The following PLEKHH2 variants were observed in gnomAD, a reference collection of about 807,000 sequenced individuals.
PLEKHH2 encodes pleckstrin homology domain-containing family H member 2.
A neutral mutation model predicts 187.9 loss-of-function variants in PLEKHH2; 129 were observed. The ratio of observed to expected loss-of-function variants is 0.69; its 90% CI spans 0.59 to 0.79. The LOEUF (loss-of-function observed/expected upper bound fraction) is 0.79, where lower values mean the gene tolerates loss of function less well. Ranked by LOEUF, PLEKHH2 falls within the 30% of genes least tolerant of loss-of-function variation. The probability of loss-of-function intolerance (pLI) is 0.00; values close to 1 mark genes in which losing one functional copy is unlikely to be tolerated. For synonymous variants in PLEKHH2, 686 were observed against 605.6 expected, an observed-to-expected ratio of 1.13 and a Z score of -1.95; for missense variants, 2,076 against 1,751.2, an observed-to-expected ratio of 1.19 and a Z score of -3.31.
At chr2:43,697,480 A>G in intron 7 of PLEKHH2, 124 bp downstream of exon 7, 1 of 819,096 alleles carries the variant, frequency 1.2e-6, no homozygotes, top group Non-Finnish European at 1.8e-6. Flanking sequence ...TTTTATGAGA[A>G]TGTTTCTAAA....
intron 7 of PLEKHH2, among the ~76,000 whole-genome samples, chr2:43,697,588 C>T (rs1669152844): frequency 6.6e-6 from 1 of 152,006 alleles, no homozygotes; most frequent in Non-Finnish European, 1.5e-5. Flanking sequence ...ATATATTTTT[C>T]CTGCTGTAGG....
In PLEKHH2 at chr2:43,697,103, C is replaced by A. The variant is rs777136229; in HGVS notation, c.503-68C>A. On this transcript the variant is annotated intron_variant, in intron 6 of 29. Transcript: ENST00000282406. The stretch of plus-strand genomic sequence containing the variant: ...AGTGATTTGTTCAAGTTTTTATATG[C>A]CTTGGTTCTATGTTTAACAAACTTC... 4 of 1,315,568 alleles carry A rather than the reference C, an allele frequency of 3.0e-6. No homozygotes were observed. The East Asian group carries it at 7.3e-5, about 24-fold the overall frequency. The allele number at this position is 1,315,568 out of a possible 1,614,324, so 81.5% of individuals were successfully genotyped here.
chr2:43,649,100 TG>T (rs1300892517), intron 2 of PLEKHH2, among the ~76,000 whole-genome samples: 6 of 152,172 alleles, frequency 3.9e-5, no homozygotes, highest in African/African-American at 1.4e-4. Flanking sequence ...TATTGAAGCT[TG>T]TGAAGAAAAA....
In PLEKHH2 at chr2:43,738,368, G is replaced by A; in HGVS notation, c.2971G>A (p.Val991Ile). 6.2e-7 allele frequency: 1 copy of A among 1,611,802 alleles called. No homozygotes were observed. ...CTGCCAGCTTTTTATAAATGCTGCAGTTGACTCTCCTGCAATTGATTACCA... is the reference window on the plus strand; with the variant it reads ...CTGCCAGCTTTTTATAAATGCTGCAATTGACTCTCCTGCAATTGATTACCA... ...KTCQLFINAA[V>I]DSPAIDYHIS... The change falls in exon 20 of 30, where the codon GTT becomes ATT. Residue 991 changes from valine (V) to isoleucine (I), a missense_variant. Val to Ile is a conservative substitution (Grantham distance 29, BLOSUM62 3). Coordinates refer to ENST00000282406, the MANE Select transcript of PLEKHH2 (RefSeq NM_172069.4).
intron 2 of PLEKHH2, 141 bp from the exon 3 acceptor site, chr2:43,678,722 G>T (rs886626829): frequency 6.7e-6 from 4 of 597,076 alleles, no homozygotes; most frequent in African/African-American, 5.6e-5. Flanking sequence ...GAGGGAGACC[G>T]TGGGTAGAGG....
chr2:43,731,344 A>T (rs1671026779), intron 18 of PLEKHH2, 146 bp from the exon 19 acceptor site: 1 of 575,926 alleles, frequency 1.7e-6, no homozygotes, highest in Non-Finnish European at 3.1e-6. Flanking sequence ...AAATAAAATA[A>T]TGTTGCCAAA....
chr2:43,748,389 TG>T (rs1671865310), intron 24 of PLEKHH2, among the ~76,000 whole-genome samples: 1 of 152,234 alleles, frequency 6.6e-6, no homozygotes, highest in Non-Finnish European at 1.5e-5. Context: ...AGTGGCCCTT[TG>T]GTGACTGGGA....
intron 2 of PLEKHH2, among the ~76,000 whole-genome samples, chr2:43,659,507 T>C (rs1666961503): frequency 6.6e-6 from 1 of 152,266 alleles, no homozygotes; most frequent in Non-Finnish European, 1.5e-5. Context: ...CTTTTGACCA[T>C]TGATATTGTT....
At position 43,655,664 on chromosome 2, in the gene PLEKHH2, G is replaced by T. The variant is rs112697338; in HGVS notation, c.123+10868G>T. Among the ~76,000 whole-genome samples, 1,244 of 152,220 alleles carry T rather than the reference G, an allele frequency of 8.2e-3. 20 individuals are homozygous for T. Among genetic ancestry groups the T allele is most frequent in the African/African-American group, 0.029 (1,201 of 41,530 alleles). ...AAAGAACTAGTGGTTTTTCCAACAT[G>T]ATCACAAAACGACCTACTTTGAAAG... On this transcript the variant is annotated intron_variant, in intron 2 of 29. Coordinates refer to ENST00000282406, the MANE Select transcript of PLEKHH2 (RefSeq NM_172069.4).
Position 43,653,053 on chromosome 2 carries a change from G to C in PLEKHH2, c.123+8257G>C, listed in dbSNP as rs115983087. ...AAGAGATGGAAAATAGGAGAGAAAA[G>C]ATGAGAAATTTAGAGGTCCAGTTCA... is the stretch of plus-strand genomic sequence containing the variant. On this transcript the variant is annotated intron_variant, in intron 2 of 29. Transcript: ENST00000282406. Among the ~76,000 whole-genome samples the C allele has an allele frequency of 1.9e-3, 287 of 152,182 alleles. 2 individuals carry two copies. Among genetic ancestry groups the C allele is most frequent in the African/African-American group, 6.6e-3 (276 of 41,538 alleles).
rs1669256967 is a variant in PLEKHH2 at position 43,699,671 on chromosome 2, T to C, written c.713T>C (p.Val238Ala). ...GAAATGGAAATTCCAGAAAAGTCTGTTGATAACCAAGTTCTAGAAAACAAC... is the reference window on the plus strand; with the variant it reads ...GAAATGGAAATTCCAGAAAAGTCTGCTGATAACCAAGTTCTAGAAAACAAC... Reference protein sequence around the residue: ...MEEMEIPEKSVDNQVLENNRG... With the variant: ...MEEMEIPEKSADNQVLENNRG... The change falls in exon 8 of 30, where the codon GTT becomes GCT. Residue 238 changes from valine to alanine, a missense_variant. Physicochemically the swap from Val to Ala is moderately conservative, Grantham distance 64. Coordinates refer to ENST00000282406, the MANE Select transcript of PLEKHH2 (RefSeq NM_172069.4). The C allele has an allele frequency of 1.2e-6, 2 of 1,613,144 alleles. No individual in the cohort carries two copies. The highest frequency in any genetic ancestry group is 1.7e-6 in the Non-Finnish European group (2 of 1,179,590).
rs1195937388 is a variant in PLEKHH2, at chr2:43,731,525, A to G, written c.2866A>G (p.Ser956Gly). The change falls in exon 19 of 30, where the codon AGT becomes GGT. Residue 956 changes from serine (S) to glycine (G), a missense_variant. Coordinates refer to ENST00000282406, the MANE Select transcript of PLEKHH2 (RefSeq NM_172069.4). ...ATGGAGACACCCCACTTTGTGTCAC[A>G]GTAAAGAAGGAATCATTTCCCCTCT... is the stretch of plus-strand genomic sequence containing the variant. ...QIWRHPTLCH[S>G]KEGIISPLTT... The G allele has an allele frequency of 6.2e-7, 1 of 1,605,746 alleles. No individual in the cohort carries two copies. Among genetic ancestry groups the G allele is most frequent in the Non-Finnish European group, 8.5e-7 (1 of 1,172,974 alleles).
chr2:43,728,800 G>T (rs112443339), intron 17 of PLEKHH2, among the ~76,000 whole-genome samples: 23,242 of 151,886 alleles, frequency 0.15, 2,050 homozygotes, highest in Non-Finnish European at 0.2. Context: ...GACCTCAGAT[G>T]ATCCACCCGG....
intron 2 of PLEKHH2, among the ~76,000 whole-genome samples, chr2:43,657,026 CAAACAAAACA>C (rs1335606836): frequency 1.5e-5 from 2 of 129,606 alleles, no homozygotes; most frequent in Admixed American, 7.3e-5. Flanking sequence ...TGTCAAAAAA[CAAACAAAACA>C]AAACAAAATA....
intron 27 of PLEKHH2, among the ~76,000 whole-genome samples, chr2:43,761,674 G>A (rs1364391611): frequency 1.3e-5 from 2 of 151,992 alleles, no homozygotes; most frequent in African/African-American, 2.4e-5. Flanking sequence ...GCTTCCCAAG[G>A]TGCTAGGATT....
At chr2:43,760,559 C>T (rs1363014986) in intron 27 of PLEKHH2, among the ~76,000 whole-genome samples, 10 of 151,996 alleles carry the variant, frequency 6.6e-5, no homozygotes. Flanking sequence ...GACAGGGTTT[C>T]ACCATTTTGG....
At chr2:43,738,119 T>C (rs563981971) in intron 19 of PLEKHH2, among the ~76,000 whole-genome samples, 88 of 152,332 alleles carry the variant, frequency 5.8e-4, no homozygotes, top group African/African-American at 2.0e-3. Context: ...TTTATCATTA[T>C]AAAATGACCC....
intron 26 of PLEKHH2, among the ~76,000 whole-genome samples, chr2:43,757,730 TA>T (rs1672272574): frequency 6.6e-6 from 1 of 151,898 alleles, no homozygotes; most frequent in South Asian, 2.1e-4. Flanking sequence ...TATTTTTATT[TA>T]AGATAAGCCC....
At chr2:43,652,064 G>A (rs918184653) in intron 2 of PLEKHH2, among the ~76,000 whole-genome samples, 13 of 152,188 alleles carry the variant, frequency 8.5e-5, no homozygotes, top group African/African-American at 2.7e-4. Context: ...TTTCTTTAGT[G>A]TGAGAGGGTG....
Sources: gnomAD v4.1 joint callset for allele counts (sites outside exome capture counted in the v4.1 genomes callset) on GRCh38, gnomAD v4.1.1 for gene constraint, MANE v1.5 for transcripts, NCBI Gene and HGNC (gene_info 2026-07-23, HGNC 2026-07-21) for gene names.